The following CPA6 variants were observed in gnomAD, a reference collection of about 807,000 sequenced individuals.
CPA6 encodes the protein carboxypeptidase B.
Under a neutral mutation model 63.3 loss-of-function variants are expected in CPA6, and 58 were observed. That is an observed-to-expected ratio of 0.92 (90% CI 0.74 to 1.14). CPA6 has a LOEUF of 1.14. Among genes scored for constraint, CPA6 ranks in the 50% most tolerant of loss-of-function variants. The pLI is 0.00. For synonymous variants in CPA6, 185 were observed against 179.0 expected (o/e 1.03, Z -0.27); for missense variants, 565 against 526.6 (o/e 1.07, Z -0.71).
At chr8:67,713,530 TGAG>T (rs1324676229) in intron 1 of CPA6, among the ~76,000 whole-genome samples, 1 of 152,032 alleles carries the variant, frequency 6.6e-6, no homozygotes, top group Non-Finnish European at 1.5e-5. Context: ...TGAAAAAGAG[TGAG>T]GAGAAACCTC....
chr8:67,594,638 C>T (rs1814242859), intron 2 of CPA6, among the ~76,000 whole-genome samples: 1 of 152,036 alleles, frequency 6.6e-6, no homozygotes, highest in Non-Finnish European at 1.5e-5. Context: ...TTTCATCTTC[C>T]ATCACTGATA....
intron 2 of CPA6, among the ~76,000 whole-genome samples, chr8:67,572,056 G>A (rs759484874): frequency 6.6e-6 from 1 of 151,990 alleles, no homozygotes; most frequent in Non-Finnish European, 1.5e-5. Context: ...AAAATTATAG[G>A]ACAAGCAATG....
At chr8:67,462,367 A>G (rs1305151086) in intron 8 of CPA6, among the ~76,000 whole-genome samples, 1 of 152,204 alleles carries the variant, frequency 6.6e-6, no homozygotes, top group Non-Finnish European at 1.5e-5. Flanking sequence ...CTGGCTAAAT[A>G]TAGTATTTTA....
chr8:67,684,861 C>T (rs1231205923), intron 1 of CPA6, among the ~76,000 whole-genome samples: 2 of 152,134 alleles, frequency 1.3e-5, no homozygotes, highest in African/African-American at 4.8e-5. Context: ...TCTGACCACC[C>T]GGGCCTGTCT....
At chr8:67,471,251 G>A (rs1310058200) in intron 8 of CPA6, among the ~76,000 whole-genome samples, 1 of 152,222 alleles carries the variant, frequency 6.6e-6, no homozygotes, top group African/African-American at 2.4e-5. Flanking sequence ...TCATCAGGGT[G>A]GGCTTCCCCA....
rs144325020 is a variant in CPA6, at chr8:67,566,897, G to A, written c.193-48850C>T. On this transcript the variant is annotated intron_variant, in intron 2 of 10. Coordinates refer to ENST00000297770, the MANE Select transcript of CPA6 (RefSeq NM_020361.5). ...AGGAATGGTGGGAAAGTAGAAGGCT[G>A]TTCTTTATATAAGAATAGCCATTGT... Among the ~76,000 whole-genome samples, 4 of 152,320 alleles carry A rather than the reference G, an allele frequency of 2.6e-5. No individual in the cohort carries two copies. In the East Asian group the frequency reaches 7.7e-4, roughly 29 times the overall value.
In CPA6 at chr8:67,530,009, G is replaced by A. The variant is rs181076161; in HGVS notation, c.193-11962C>T. ...TAGACATAATTCATGCCAGAGAGCAGAAGATGATTTTTAAAGAAACTATAA... is the reference window on the plus strand; with the variant it reads ...TAGACATAATTCATGCCAGAGAGCAAAAGATGATTTTTAAAGAAACTATAA... On this transcript the variant is annotated intron_variant, in intron 2 of 10. Transcript: ENST00000297770. Among the ~76,000 whole-genome samples, 3 of 152,308 alleles carry A rather than the reference G, an allele frequency of 2.0e-5. No individual in the cohort carries two copies. The East Asian group carries it at 5.8e-4, about 29-fold the overall frequency.
chr8:67,485,772 C>T lies in CPA6; in HGVS notation c.637-983G>A, dbSNP rs114022498. 2.7e-3 allele frequency among the ~76,000 whole-genome samples: 404 copies of T among 152,198 alleles called. 3 individuals carry two copies. Among genetic ancestry groups the T allele is most frequent in the African/African-American group, 9.2e-3 (384 of 41,526 alleles). ...ATGTTTTTAATTATGCTAAATGTTG[C>T]CATATTTTATTAAATCAGTAAACAC... On this transcript the variant is annotated intron_variant, in intron 6 of 10. Transcript: ENST00000297770.
chr8:67,567,151 A>G (rs984542828), intron 2 of CPA6, among the ~76,000 whole-genome samples: 6 of 152,208 alleles, frequency 3.9e-5, no homozygotes, highest in Non-Finnish European at 8.8e-5. Flanking sequence ...TTCTTCTTAA[A>G]TGTGTATGAT....
At chr8:67,441,269 G>A (rs996371109) in intron 8 of CPA6, among the ~76,000 whole-genome samples, 1 of 152,120 alleles carries the variant, frequency 6.6e-6, no homozygotes, top group Non-Finnish European at 1.5e-5. Flanking sequence ...CAATATCTAA[G>A]AATTAAGCTA....
intron 1 of CPA6, among the ~76,000 whole-genome samples, chr8:67,673,353 TTTATTATTATTATTA>T (rs71253021): frequency 7.1e-5 from 10 of 140,116 alleles, no homozygotes; most frequent in Non-Finnish European, 1.4e-4. Context: ...TCTCTTTCAA[TTTATTATTATTATTA>T]TTATTATTAT....
chr8:67,598,260 T>C (rs1814399737), intron 2 of CPA6, among the ~76,000 whole-genome samples: 1 of 152,208 alleles, frequency 6.6e-6, no homozygotes, highest in Admixed American at 6.5e-5. Flanking sequence ...TGGATTTTCA[T>C]CTTTTGGACT....
chr8:67,625,084 C>T (rs2128987110), intron 1 of CPA6, among the ~76,000 whole-genome samples: 1 of 152,026 alleles, frequency 6.6e-6, no homozygotes, highest in African/African-American at 2.4e-5. Flanking sequence ...CAAGCAGAAA[C>T]TAGGGAGGAG....
At chr8:67,679,474 A>G (rs965858150) in intron 1 of CPA6, among the ~76,000 whole-genome samples, 1 of 152,218 alleles carries the variant, frequency 6.6e-6, no homozygotes, top group African/African-American at 2.4e-5. Flanking sequence ...TTGATAATGT[A>G]GTAAGCTACA....
chr8:67,465,168 G>A (rs1317997940), intron 8 of CPA6, among the ~76,000 whole-genome samples: 1 of 152,076 alleles, frequency 6.6e-6, no homozygotes, highest in African/African-American at 2.4e-5. Flanking sequence ...ATTTGTTTGT[G>A]TCATGTAAGA....
At chr8:67,575,814 C>G (rs1023064483) in intron 2 of CPA6, among the ~76,000 whole-genome samples, 27 of 150,342 alleles carry the variant, frequency 1.8e-4, no homozygotes, top group African/African-American at 6.4e-4. Flanking sequence ...GCTACTCCAG[C>G]CTGGGCAACA....
chr8:67,517,901 G>A (rs1011880707), intron 3 of CPA6, 22 bp downstream of exon 3: 3 of 1,586,572 alleles, frequency 1.9e-6, no homozygotes, highest in Non-Finnish European at 1.7e-6. Flanking sequence ...AAATTTTATA[G>A]CAAGTGAAAA....
At chr8:67,742,390 A>G (rs145675963) in intron 1 of CPA6, among the ~76,000 whole-genome samples, 19 of 152,252 alleles carry the variant, frequency 1.2e-4, no homozygotes, top group African/African-American at 4.3e-4. Context: ...CTGTGCCTGA[A>G]TAAGTGGCAG....
chr8:67,653,241 T>C (rs551752682), intron 1 of CPA6, among the ~76,000 whole-genome samples: 2 of 152,212 alleles, frequency 1.3e-5, no homozygotes, highest in South Asian at 4.2e-4. Context: ...TTTGGTTCCA[T>C]ATGAACTTTA....
Sources: gnomAD v4.1 joint callset for allele counts (sites outside exome capture counted in the v4.1 genomes callset) on GRCh38, gnomAD v4.1.1 for gene constraint, MANE v1.5 for transcripts, NCBI Gene and HGNC (gene_info 2026-07-23, HGNC 2026-07-21) for gene names.